COL4A4: variants seen among roughly 807,000 people sequenced by gnomAD.
COL4A4 encodes collagen type IV alpha 4 chain.
Under a neutral mutation model 192.9 loss-of-function variants are expected in COL4A4, and 105 were observed. The observed-to-expected ratio is 0.54, with a 90% confidence interval of 0.46 to 0.64. The LOEUF is 0.64. COL4A4 is among the 30% of genes least tolerant of loss of function. The pLI is 0.00. For synonymous variants in COL4A4, 762 were observed against 769.9 expected (o/e 0.99, Z 0.17); for missense variants, 1,967 against 2,169.3 (o/e 0.91, Z 1.85).
intron 28 of COL4A4, among the ~76,000 whole-genome samples, chr2:227,058,445 G>A (rs1976055988): frequency 6.6e-6 from 1 of 152,100 alleles, no homozygotes; most frequent in African/African-American, 2.4e-5. Context: ...CTTACATTAT[G>A]TTTCACCTGT....
chr2:226,986,423 C>A, the COL4A4 span, among the ~76,000 whole-genome samples: 3 of 152,132 alleles, frequency 2.0e-5, no homozygotes, highest in Non-Finnish European at 4.4e-5. Flanking sequence ...TCTGCAGTAT[C>A]TTTGCAACTT....
chr2:227,030,919 T>TGGAC (rs1968154427), intron 40 of COL4A4, among the ~76,000 whole-genome samples: 1 of 122,120 alleles, frequency 8.2e-6, no homozygotes, highest in African/African-American at 3.3e-5. Flanking sequence ...TTTAATAAGA[T>TGGAC]GGATGGATGG....
At chr2:227,130,793 C>T (rs574961947) in intron 4 of COL4A4, among the ~76,000 whole-genome samples, 5 of 152,310 alleles carry the variant, frequency 3.3e-5, no homozygotes, top group African/African-American at 1.2e-4. Flanking sequence ...GAGCGGGCAC[C>T]ACTGTCTGCA....
intron 3 of COL4A4, among the ~76,000 whole-genome samples, chr2:227,143,358 C>A (rs934300445): frequency 2.6e-5 from 4 of 152,204 alleles, no homozygotes; most frequent in African/African-American, 9.6e-5. Flanking sequence ...CAAAAAGACA[C>A]ATTCCTGTGT....
intron 46 of COL4A4, among the ~76,000 whole-genome samples, chr2:227,008,990 A>G (rs1962856202): frequency 6.6e-6 from 1 of 152,336 alleles, no homozygotes; most frequent in Admixed American, 6.5e-5. Context: ...CCAAGGTGGG[A>G]GAAGCAAGAC....
Position 227,042,181 on chromosome 2 carries a change from C to A in COL4A4, c.3472G>T (p.Asp1158Tyr). ...CCCGGAGGACCTGGTATCCCTGGATCCCCCTGGAGGCCTCTTGGCCCAGGG... is the reference window on the plus strand; with the variant it reads ...CCCGGAGGACCTGGTATCCCTGGATACCCCTGGAGGCCTCTTGGCCCAGGG... ...GDPGPRGLQG[D>Y]PGIPGPPGIK... The change falls in exon 37 of 48, where the codon GAT becomes TAT. Residue 1158 changes from aspartate to tyrosine, a missense_variant. Transcript: ENST00000396625. 1 of 1,612,538 alleles carries A rather than the reference C, an allele frequency of 6.2e-7. No individual in the cohort carries two copies. The highest frequency in any genetic ancestry group is 8.5e-7 in the Non-Finnish European group (1 of 1,178,562).
chr2:226,980,848 T>C, the COL4A4 span, among the ~76,000 whole-genome samples: 4 of 152,354 alleles, frequency 2.6e-5, no homozygotes, highest in South Asian at 8.3e-4. Flanking sequence ...GTTCATAAAA[T>C]GTTTTATTTT....
rs1961448245 is a variant in COL4A4 at position 227,003,458 on chromosome 2, C to T, written c.*3867G>A. The T allele has an allele frequency of 6.6e-6, 1 of 152,194 alleles. No homozygotes were observed. Among genetic ancestry groups the T allele is most frequent in the Non-Finnish European group, 1.5e-5 (1 of 68,030 alleles). 9.4% of individuals were successfully genotyped at this position (152,194 alleles called of 1,614,324 possible). On this transcript the variant is annotated 3_prime_UTR_variant, in exon 48 of 48. Transcript: ENST00000396625. ...ATTTCAAACCTGGGTTCGACCAACT[C>T]TCAAGTCCTCTTCTTTCCACTATTC... is the stretch of plus-strand genomic sequence containing the variant.
At chr2:227,047,439 T>G in intron 35 of COL4A4, 36 bp downstream of exon 35, 1 of 1,483,356 alleles carries the variant, frequency 6.7e-7, no homozygotes, top group South Asian at 1.1e-5. Context: ...ACTAAACTAC[T>G]TTTTTTGTTT....
At chr2:226,980,819 T>G in the COL4A4 span, among the ~76,000 whole-genome samples, 10 of 152,238 alleles carry the variant, frequency 6.6e-5, no homozygotes, top group Admixed American at 6.5e-4. Context: ...AAAATTTAGT[T>G]CTGGAGTTTT....
intron 37 of COL4A4, among the ~76,000 whole-genome samples, chr2:227,033,836 G>A (rs556297207): frequency 4.6e-5 from 7 of 152,284 alleles, no homozygotes; most frequent in East Asian, 1.9e-4. Flanking sequence ...GAAAGAGATC[G>A]GATGGGAGCA....
At chr2:227,089,766 G>T in intron 21 of COL4A4, 102 bp downstream of exon 21, 1 of 962,052 alleles carries the variant, frequency 1.0e-6, no homozygotes, top group Non-Finnish European at 1.7e-6. Context: ...ACTAAGGTGA[G>T]TAACAAATCT....
chr2:227,144,597 T>C lies in COL4A4; in HGVS notation c.72-39A>G, dbSNP rs565027713. On this transcript the variant is annotated intron_variant, in intron 2 of 47. Coordinates refer to ENST00000396625, the MANE Select transcript of COL4A4 (RefSeq NM_000092.5). Reference sequence around the variant, plus strand: ...AAAACGCAGATTAATTTAAACAGTTTCTTTTCATGTGAAACAAAAAGAAAA... The same window carrying C: ...AAAACGCAGATTAATTTAAACAGTTCCTTTTCATGTGAAACAAAAAGAAAA... The C allele has an allele frequency of 1.1e-5, 16 of 1,481,944 alleles. No individual in the cohort carries two copies. In the African/African-American group the frequency reaches 2.1e-4, roughly 19 times the overall value. The allele number at this position is 1,481,944 out of a possible 1,614,324, so 91.8% of individuals were successfully genotyped here. A position where few individuals can be genotyped will look rare whatever the true frequency, so the allele number is the denominator to read the frequency against.
At chr2:227,040,842 G>A (rs1222066584) in intron 37 of COL4A4, among the ~76,000 whole-genome samples, 1 of 152,112 alleles carries the variant, frequency 6.6e-6, no homozygotes, top group East Asian at 1.9e-4. Flanking sequence ...GGGATTACAG[G>A]TGTGAGCCAC....
intron 37 of COL4A4, among the ~76,000 whole-genome samples, chr2:227,041,846 A>AAGAAAGAAAGAGAGAGAGAGAGAGAG (rs1559478097): frequency 2.5e-5 from 1 of 39,302 alleles, no homozygotes; most frequent in Non-Finnish European, 4.4e-5. Context: ...GAAAGAAAGA[A>AAGAAAGAAAGAGAGAGAGAGAGAGAG]AGAGAAAGAA....
At chr2:227,041,824 GAA>G (rs879774309) in intron 37 of COL4A4, among the ~76,000 whole-genome samples, 2,583 of 42,858 alleles carry the variant, frequency 0.06, 98 homozygotes, top group South Asian at 0.069. Context: ...AAGAAAGAAA[GAA>G]AGAAAGAAAG....
chr2:227,098,551 GT>G lies in COL4A4; in HGVS notation c.1204+142del, dbSNP rs898081090. 10 of 661,260 alleles carry G rather than the reference GT, an allele frequency of 1.5e-5. No individual in the cohort carries two copies. The Admixed American group carries it at 1.7e-4, about 11-fold the overall frequency. 41.0% of individuals were successfully genotyped at this position (661,260 alleles called of 1,614,324 possible). A position where few individuals can be genotyped will look rare whatever the true frequency, so the allele number is the denominator to read the frequency against. On this transcript the variant is annotated intron_variant, in intron 19 of 47. Coordinates refer to ENST00000396625, the MANE Select transcript of COL4A4 (RefSeq NM_000092.5). ...ATCTCCCAAGAGTCTAACATTCTTG[GT>G]CTGGGGTGTGCACAGGCATCGGTAT...
intron 7 of COL4A4, among the ~76,000 whole-genome samples, chr2:227,115,637 C>G (rs2061453297): frequency 6.6e-6 from 1 of 152,190 alleles, no homozygotes; most frequent in Non-Finnish European, 1.5e-5. Flanking sequence ...CTTTATATAT[C>G]AAGCTCATAT....
At chr2:227,007,985 A>T in intron 47 of COL4A4, 33 bp downstream of exon 47, 1 of 1,602,606 alleles carries the variant, frequency 6.2e-7, no homozygotes, top group South Asian at 1.1e-5. Context: ...GAAATGGTGA[A>T]TGAGCCAGGG....
Sources: gnomAD v4.1 joint callset for allele counts (sites outside exome capture counted in the v4.1 genomes callset) on GRCh38, gnomAD v4.1.1 for gene constraint, MANE v1.5 for transcripts, NCBI Gene and HGNC (gene_info 2026-07-23, HGNC 2026-07-21) for gene names.